SEPTIN12: variants seen among roughly 807,000 people sequenced by gnomAD.
SEPTIN12 encodes septin 12, also known as septin-12.
A neutral mutation model predicts 37.7 loss-of-function variants in SEPTIN12; 42 were observed. The observed-to-expected ratio is 1.11, with a 90% confidence interval of 0.87 to 1.44. The LOEUF is 1.44. Among genes scored for constraint, SEPTIN12 ranks in the 40% most tolerant of loss-of-function variants. SEPTIN12 has a pLI of 0.00. For missense variants in SEPTIN12, 613 were observed against 479.2 expected (o/e 1.28, Z -2.61); for synonymous variants, 254 against 196.7 (o/e 1.29, Z -2.44).
intron 6 of SEPTIN12, 37 bp downstream of exon 6, chr16:4,783,612 C>CTCTG: frequency 6.2e-7 from 1 of 1,611,656 alleles, no homozygotes; most frequent in Non-Finnish European, 8.5e-7. Context: ...GCCCTCTGCC[C>CTCTG]CCGCTGACCC....
chr16:4,778,176 A>G lies in SEPTIN12; in HGVS notation c.824-39T>C, dbSNP rs752054884. ...GACTCAGTATGGGCGCTGCTTAGTG[A>G]GCACTGAGTAAGTGCCTACTGTATG... On this transcript the variant is annotated intron_variant, in intron 8 of 9. Transcript: ENST00000268231. The G allele has an allele frequency of 3.3e-5, 53 of 1,608,298 alleles. 1 individual carries two copies. The South Asian group carries it at 5.8e-4, about 18-fold the overall frequency.
At position 4,777,998 on chromosome 16, in the gene SEPTIN12, G is replaced by C; in HGVS notation, c.876C>G (p.Arg292=). 1.2e-6 allele frequency: 2 copies of C among 1,612,150 alleles called. No homozygotes were observed. Among genetic ancestry groups the C allele is most frequent in the Non-Finnish European group, 1.7e-6 (2 of 1,179,084 alleles). ...EFPLLRDLLI[R]SHLQDLKDIT... is the part of the protein sequence containing the mutation. ...TGTCCTTCAGGTCTTGGAGGTGGGAGCTGGGGGACCGGAGACGGTCAGCCC... is the reference window on the plus strand; with the variant it reads ...TGTCCTTCAGGTCTTGGAGGTGGGACCTGGGGGACCGGAGACGGTCAGCCC... The change falls in exon 10 of 10, where the codon CGC becomes CGG. Residue 292 remains arginine (R), a splice_region_variant and synonymous_variant. Coordinates refer to ENST00000268231, the MANE Select transcript of SEPTIN12 (RefSeq NM_144605.5).
chr16:4,777,923 T>A lies in SEPTIN12; in HGVS notation c.951A>T (p.Glu317Asp), dbSNP rs1291683343. 3 of 1,606,184 alleles carry A rather than the reference T, an allele frequency of 1.9e-6. No homozygotes were observed. The highest frequency in any genetic ancestry group is 2.5e-6 in the Non-Finnish European group (3 of 1,176,762). ...YENYRVIRLN[E>D]SHLLPRGPGW... ...CGGGCCCGCGGGGCAGCAGGTGGCT[T>A]TCATTGAGTCTGATGACGCGGTAGT... The change falls in exon 10 of 10, where the codon GAA becomes GAT. Residue 317 changes from glutamate (E) to aspartate (D), a missense_variant. Glu to Asp is a conservative substitution (Grantham distance 45). Coordinates refer to ENST00000268231, the MANE Select transcript of SEPTIN12 (RefSeq NM_144605.5).
intron 7 of SEPTIN12, among the ~76,000 whole-genome samples, chr16:4,782,183 CAA>C (rs2082379592): frequency 6.6e-6 from 1 of 152,000 alleles, no homozygotes; most frequent in East Asian, 1.9e-4. Context: ...CCCCTGGCCG[CAA>C]GTGATCTGCC....
At position 4,785,821 on chromosome 16, in the gene SEPTIN12, G is replaced by C. The variant is rs1167073426; in HGVS notation, c.360C>G (p.Ile120Met). The C allele has an allele frequency of 6.3e-7, 1 of 1,595,812 alleles. No individual in the cohort carries two copies. The highest frequency in any genetic ancestry group is 1.7e-5 in the Admixed American group (1 of 59,738). Residue 120 changes from isoleucine (I) to methionine (M), a missense_variant, in exon 4 of 10, where the codon ATC becomes ATG. Ile to Met is a conservative substitution (Grantham distance 10). Transcript: ENST00000268231. ...AGAGAACCTACCAGTTGTCATTGTT[G>C]ATCTGGTCCCCGAAGCCGGGCGTGT... ...VTDTPGFGDQ[I>M]NNDNCWDPIL...
At chr16:4,779,884 T>A in intron 7 of SEPTIN12, 98 bp from the exon 8 acceptor site, 1 of 774,068 alleles carries the variant, frequency 1.3e-6, no homozygotes, top group Non-Finnish European at 2.3e-6. Context: ...AGTCCTATCC[T>A]TTTCGAGGAG....
chr16:4,781,551 G>T (rs115174876), intron 7 of SEPTIN12, among the ~76,000 whole-genome samples: 1 of 151,842 alleles, frequency 6.6e-6, no homozygotes, highest in Admixed American at 6.6e-5. Context: ...CCCATAATAC[G>T]TGACCTTTTG....
intron 4 of SEPTIN12, among the ~76,000 whole-genome samples, chr16:4,784,601 C>T (rs2082413426): frequency 6.6e-6 from 1 of 151,492 alleles, no homozygotes; most frequent in Non-Finnish European, 1.5e-5. Context: ...GAAACGCCAA[C>T]TCTACAAAAA....
chr16:4,787,440 C>T (rs2082473583), intron 2 of SEPTIN12, 40 bp downstream of exon 2: 1 of 1,599,232 alleles, frequency 6.3e-7, no homozygotes, highest in South Asian at 1.1e-5. Flanking sequence ...ACGCGTAGCA[C>T]TGTGGGTCTG....
At chr16:4,778,877 C>G (rs1198073447) in intron 8 of SEPTIN12, among the ~76,000 whole-genome samples, 1 of 151,816 alleles carries the variant, frequency 6.6e-6, no homozygotes, top group Non-Finnish European at 1.5e-5. Context: ...CGGTGGCACA[C>G]GCCTGTAATC....
chr16:4,783,730 C>G lies in SEPTIN12; in HGVS notation c.549G>C (p.Leu183=). The change falls in exon 6 of 10, where the codon CTG becomes CTC. Residue 183 remains leucine, a synonymous_variant. Transcript: ENST00000268231. ...CGGGCACCACATTCACAGTCCGGCA[C>G]AGCCGCTGCAGGAACTCAATGTCCA... The part of the protein sequence containing the change: ...RPLDIEFLQR[L]CRTVNVVPVI... 1.2e-6 allele frequency: 2 copies of G among 1,614,018 alleles called. No homozygotes were observed. The highest frequency in any genetic ancestry group is 2.2e-5 in the East Asian group (1 of 44,882).
At chr16:4,780,544 T>G (rs910891175) in intron 7 of SEPTIN12, among the ~76,000 whole-genome samples, 1 of 152,226 alleles carries the variant, frequency 6.6e-6, no homozygotes, top group Non-Finnish European at 1.5e-5. Flanking sequence ...CCTGGCCCTT[T>G]GCAGAAAAGG....
intron 4 of SEPTIN12, among the ~76,000 whole-genome samples, chr16:4,785,340 C>T (rs1188933133): frequency 2.7e-5 from 4 of 150,120 alleles, no homozygotes; most frequent in Admixed American, 2.0e-4. Flanking sequence ...CTGGCCTGGG[C>T]GACAAGAGCT....
At chr16:4,787,987 A>G (rs898538300) in intron 1 of SEPTIN12, 3 of 251,766 alleles carry the variant, frequency 1.2e-5, no homozygotes, top group African/African-American at 6.7e-5. Flanking sequence ...AAAGTCCAGG[A>G]TGGGTGTTTG....
chr16:4,786,168 C>G lies in SEPTIN12; in HGVS notation c.167-63G>C. 2.6e-6 allele frequency: 4 copies of G among 1,519,836 alleles called. No homozygotes were observed. In the South Asian group the frequency reaches 3.9e-5, roughly 15 times the overall value. The allele number at this position is 1,519,836 out of a possible 1,614,324, so 94.1% of individuals were successfully genotyped here. ...CGTTTTAGGCAGTTTTTCTCTAACTCTTTACTTTTCTATTTTATTTTTGGA... is the reference window on the plus strand; with the variant it reads ...CGTTTTAGGCAGTTTTTCTCTAACTGTTTACTTTTCTATTTTATTTTTGGA... On this transcript the variant is annotated intron_variant, in intron 2 of 9. Coordinates refer to ENST00000268231, the MANE Select transcript of SEPTIN12 (RefSeq NM_144605.5).
chr16:4,777,893 C>G lies in SEPTIN12; in HGVS notation c.981G>C (p.Trp327Cys). 1.3e-6 allele frequency: 2 copies of G among 1,599,164 alleles called. No homozygotes were observed. Among genetic ancestry groups the G allele is most frequent in the Non-Finnish European group, 8.5e-7 (1 of 1,173,546 alleles). The change falls in exon 10 of 10, where the codon TGG (tryptophan) becomes TGC (cysteine). Residue 327 changes from tryptophan (W) to cysteine (C), a missense_variant. Trp to Cys is a radical substitution (Grantham distance 215, BLOSUM62 -2). Coordinates refer to ENST00000268231, the MANE Select transcript of SEPTIN12 (RefSeq NM_144605.5). Reference protein sequence around the residue: ...ESHLLPRGPGWVNLAPASPGQ... With the variant: ...ESHLLPRGPGCVNLAPASPGQ... ...CTGGGGAGGCCGGGGCCAGGTTCAC[C>G]CAGCCGGGCCCGCGGGGCAGCAGGT...
At chr16:4,786,404 G>C (rs1387954244) in intron 2 of SEPTIN12, among the ~76,000 whole-genome samples, 3 of 150,624 alleles carry the variant, frequency 2.0e-5, no homozygotes, top group Non-Finnish European at 4.4e-5. Flanking sequence ...ACCCAGGCTG[G>C]AGCGCGATGG....
Position 4,785,691 on chromosome 16 carries a change from T to A in SEPTIN12, c.374+116A>T, listed in dbSNP as rs1227490964. ...ACTTCGGGAGGCTGAGGCAGGAGAA[T>A]CACTTGAACCTGGGAGGTGGAGGTT... On this transcript the variant is annotated intron_variant, in intron 4 of 9. Coordinates refer to ENST00000268231, the MANE Select transcript of SEPTIN12 (RefSeq NM_144605.5). 5 of 724,556 alleles carry A rather than the reference T, an allele frequency of 6.9e-6. No homozygotes were observed. In the Admixed American group the frequency reaches 7.1e-5, roughly 10 times the overall value. 44.9% of individuals were successfully genotyped at this position (724,556 alleles called of 1,614,324 possible). A position where few individuals can be genotyped will look rare whatever the true frequency, so the allele number is the denominator to read the frequency against.
At chr16:4,780,511 C>T (rs541734895) in intron 7 of SEPTIN12, among the ~76,000 whole-genome samples, 2 of 152,274 alleles carry the variant, frequency 1.3e-5, no homozygotes, top group Admixed American at 1.3e-4. Flanking sequence ...CCCTACGGCC[C>T]AGAAAGTCTA....
Sources: gnomAD v4.1 joint callset for allele counts (sites outside exome capture counted in the v4.1 genomes callset) on GRCh38, gnomAD v4.1.1 for gene constraint, MANE v1.5 for transcripts, NCBI Gene and HGNC (gene_info 2026-07-23, HGNC 2026-07-21) for gene names.